The following PRSS38 variants were observed in gnomAD, a reference collection of about 807,000 sequenced individuals.
The protein encoded by PRSS38 is serine protease 38.
A neutral mutation model predicts 26.8 loss-of-function variants in PRSS38; 22 were observed. The ratio of observed to expected loss-of-function variants is 0.82; its 90% CI spans 0.59 to 1.17. PRSS38 has a LOEUF of 1.17. Ranked by LOEUF, PRSS38 falls within the 50% of genes most tolerant of loss-of-function variation. The pLI is 0.00. For missense variants in PRSS38, 427 were observed against 422.7 expected (o/e 1.01, Z -0.09); for synonymous variants, 175 against 172.1 (o/e 1.02, Z -0.13).
chr1:227,829,911 C>T (rs1665127738), intron 3 of PRSS38, among the ~76,000 whole-genome samples: 1 of 152,112 alleles, frequency 6.6e-6, no homozygotes, highest in South Asian at 2.1e-4. Context: ...TCGTCTTTCA[C>T]CATCAAGAAT....
intron 3 of PRSS38, among the ~76,000 whole-genome samples, chr1:227,830,490 T>G (rs567551262): frequency 2.1e-4 from 31 of 150,782 alleles, no homozygotes; most frequent in African/African-American, 6.1e-4. Flanking sequence ...TGAATTAGTT[T>G]AAGGTGTCTA....
At position 227,829,923 on chromosome 1, in the gene PRSS38, A is replaced by C. The variant is rs115274242; in HGVS notation, c.583+12443A>C. On this transcript the variant is annotated intron_variant, in intron 3 of 4. Coordinates refer to ENST00000366757, the Ensembl canonical transcript of PRSS38. The stretch of plus-strand genomic sequence containing the variant: ...GTTTCGTCTTTCACCATCAAGAATG[A>C]TGTGAGCTGTGGGGTTTTTTTGTAG... Among the ~76,000 whole-genome samples the C allele has an allele frequency of 3.1e-3, 468 of 152,300 alleles. 2 individuals carry two copies. Among genetic ancestry groups the C allele is most frequent in the African/African-American group, 0.01 (432 of 41,546 alleles).
intron 3 of PRSS38, among the ~76,000 whole-genome samples, chr1:227,833,871 T>A (rs1665198529): frequency 6.6e-6 from 1 of 152,196 alleles, no homozygotes. Context: ...TGTTGTTGGT[T>A]GAATTATGTC....
chr1:227,838,169 C>T (rs1292769628), intron 3 of PRSS38, among the ~76,000 whole-genome samples: 1 of 152,108 alleles, frequency 6.6e-6, no homozygotes, highest in Non-Finnish European at 1.5e-5. Flanking sequence ...CTTTTATATT[C>T]TGTTTATAAA....
intron 3 of PRSS38, among the ~76,000 whole-genome samples, chr1:227,844,852 G>C (rs1467691876): frequency 1.4e-5 from 2 of 145,816 alleles, no homozygotes; most frequent in African/African-American, 2.6e-5. Context: ...CCCTATGTGT[G>C]GTCAGGACTC....
At chr1:227,846,285 CT>C in exon 5 of PRSS38, 1 of 1,556,918 alleles carries the variant, frequency 6.4e-7, no homozygotes, top group Non-Finnish European at 8.7e-7. Context: ...CCCTAAGCAT[CT>C]CCTGTCCTGG....
chr1:227,839,682 C>T (rs1665289008), intron 3 of PRSS38, among the ~76,000 whole-genome samples: 1 of 152,178 alleles, frequency 6.6e-6, no homozygotes, highest in South Asian at 2.1e-4. Flanking sequence ...CCTCAGATTC[C>T]TATGTCTTCT....
chr1:227,838,578 C>T (rs1237400625), intron 3 of PRSS38, among the ~76,000 whole-genome samples: 4 of 152,202 alleles, frequency 2.6e-5, no homozygotes, highest in Non-Finnish European at 5.9e-5. Context: ...CCTGAGACAT[C>T]CTTTCTTCTG....
exon 4 of PRSS38, chr1:227,845,504 C>G: frequency 6.2e-7 from 1 of 1,612,864 alleles, no homozygotes. Context: ...AGATGCAGCT[C>G]CCGCTGATCC....
intron 3 of PRSS38, among the ~76,000 whole-genome samples, chr1:227,819,516 A>C (rs1664970971): frequency 6.6e-6 from 1 of 152,196 alleles, no homozygotes; most frequent in East Asian, 1.9e-4. Context: ...AAAAAAGGCC[A>C]TTGGAATTTT....
At chr1:227,826,703 G>A (rs763815537) in intron 3 of PRSS38, among the ~76,000 whole-genome samples, 7 of 151,758 alleles carry the variant, frequency 4.6e-5, no homozygotes, top group East Asian at 1.9e-4. Flanking sequence ...GTGACAGAGT[G>A]AACCTCCATC....
intron 3 of PRSS38, among the ~76,000 whole-genome samples, chr1:227,833,636 CAATGG>C (rs1375957953): frequency 6.6e-6 from 1 of 152,050 alleles, no homozygotes; most frequent in Non-Finnish European, 1.5e-5. Context: ...ATATATAGAC[CAATGG>C]AATGGAATTG....
At chr1:227,842,218 C>T (rs1350823713) in intron 3 of PRSS38, among the ~76,000 whole-genome samples, 2 of 152,168 alleles carry the variant, frequency 1.3e-5, no homozygotes, top group Non-Finnish European at 2.9e-5. Flanking sequence ...CGAATAGTGC[C>T]TGCAGGTCTA....
At chr1:227,821,491 G>A (rs182837578) in intron 3 of PRSS38, among the ~76,000 whole-genome samples, 11 of 152,204 alleles carry the variant, frequency 7.2e-5, no homozygotes, top group African/African-American at 1.4e-4. Flanking sequence ...TCAATGTGAA[G>A]CACTCCAGTT....
chr1:227,829,067 C>T (rs1481980317), intron 3 of PRSS38, among the ~76,000 whole-genome samples: 1 of 152,196 alleles, frequency 6.6e-6, no homozygotes, highest in Non-Finnish European at 1.5e-5. Flanking sequence ...GCCATCACCC[C>T]ACCCTGCCTT....
chr1:227,826,362 C>T (rs1036941596), intron 3 of PRSS38, among the ~76,000 whole-genome samples: 65 of 152,234 alleles, frequency 4.3e-4, no homozygotes, highest in African/African-American at 1.5e-3. Context: ...ATTTGAACAC[C>T]GTTGATTTCT....
Position 227,815,710 on chromosome 1 carries a change from G to A in PRSS38, c.-7G>A, listed in dbSNP as rs1281705036. The A allele has an allele frequency of 5.7e-6, 9 of 1,576,502 alleles. No individual in the cohort carries two copies. The African/African-American group carries it at 6.7e-5, about 12-fold the overall frequency. ...AGTCACCCGCTGGGGGCGCTGCCTC[G>A]AGCCTCATGGCTGCCCCTGCTTCCG... On this transcript the variant is annotated 5_prime_UTR_variant, in exon 1 of 5. Coordinates refer to ENST00000366757, the Ensembl canonical transcript of PRSS38.
intron 3 of PRSS38, among the ~76,000 whole-genome samples, chr1:227,820,222 T>C (rs1033466474): frequency 1.2e-4 from 18 of 152,072 alleles, no homozygotes; most frequent in Admixed American, 9.8e-4. Context: ...ATTGGGATTT[T>C]CTATGTATAG....
chr1:227,817,133 C>T (rs138379692), intron 2 of PRSS38, 76 bp from the exon 3 acceptor site: 213 of 1,484,402 alleles, frequency 1.4e-4, no homozygotes, highest in Admixed American at 4.2e-4. Flanking sequence ...CAGCCCCTTG[C>T]GCTTGGCCTC....
Sources: allele counts gnomAD v4.1 joint callset (sites outside exome capture counted in the v4.1 genomes callset), GRCh38; gene constraint gnomAD v4.1.1; transcripts MANE v1.5; gene names NCBI Gene and HGNC (gene_info 2026-07-23, HGNC 2026-07-21).